Variants in FAM120A observed in about 807,000 individuals in gnomAD.
FAM120A encodes the protein family with sequence similarity 120 member A.
FAM120A carries 15 observed loss-of-function variants against 109.7 expected under a neutral mutation model. That is an observed-to-expected ratio of 0.14 (90% CI 0.09 to 0.21). The LOEUF (loss-of-function observed/expected upper bound fraction) is 0.21, where lower values mean the gene tolerates loss of function less well. Among genes scored for constraint, FAM120A ranks in the 10% least tolerant of loss-of-function variants. The pLI is 1.00. For synonymous variants in FAM120A, 493 were observed against 572.8 expected, an observed-to-expected ratio of 0.86 and a Z score of 1.99; for missense variants, 899 against 1,439.3, an observed-to-expected ratio of 0.62 and a Z score of 6.07.
rs78720654 is a variant in FAM120A, at chr9:93,454,452, C to T, written c.474+2063C>T. Among the ~76,000 whole-genome samples, 67 of 152,216 alleles carry T rather than the reference C, an allele frequency of 4.4e-4. 1 individual carries two copies. In the East Asian group the frequency reaches 0.013, roughly 29 times the overall value. On this transcript the variant is annotated intron_variant, in intron 1 of 17. Transcript: ENST00000277165. ...TGTAGGGGGGTGCTTTTGCTTTCCT[C>T]ACTGAAGAATCCTTTAAGCTCTCTC...
intron 2 of FAM120A, among the ~76,000 whole-genome samples, chr9:93,471,867 G>T (rs916742427): frequency 6.6e-6 from 1 of 152,170 alleles, no homozygotes; most frequent in Non-Finnish European, 1.5e-5. Context: ...TACATTTTAA[G>T]TAAATGTATA....
intron 5 of FAM120A, among the ~76,000 whole-genome samples, chr9:93,512,141 C>T (rs1227860964): frequency 6.6e-6 from 1 of 152,098 alleles, no homozygotes; most frequent in Non-Finnish European, 1.5e-5. Flanking sequence ...AACTTTGTTA[C>T]TCTTTGTTTT....
chr9:93,560,837 G>T (rs1862441009), intron 15 of FAM120A, among the ~76,000 whole-genome samples: 1 of 152,352 alleles, frequency 6.6e-6, no homozygotes, highest in Non-Finnish European at 1.5e-5. Flanking sequence ...ATATGCACCT[G>T]ATGACACTTT....
intron 11 of FAM120A, among the ~76,000 whole-genome samples, chr9:93,545,187 G>C (rs2096282814): frequency 6.6e-6 from 1 of 152,132 alleles, no homozygotes; most frequent in African/African-American, 2.4e-5. Context: ...TCTTCCAAGT[G>C]GGGGATGGCA....
In FAM120A at chr9:93,534,889, A is replaced by G. The variant is rs371305071; in HGVS notation, c.1909+2560A>G. The stretch of plus-strand genomic sequence containing the variant: ...GGATACCTCAGATTTGGTTTGGGAA[A>G]GGGAGTCAACTAGCACTGAGGAAAA... On this transcript the variant is annotated intron_variant, in intron 10 of 17. Coordinates refer to ENST00000277165, the MANE Select transcript of FAM120A (RefSeq NM_014612.5). Among the ~76,000 whole-genome samples the G allele has an allele frequency of 3.2e-4, 49 of 152,290 alleles. No homozygotes were observed. The South Asian group carries it at 9.7e-3, about 30-fold the overall frequency.
chr9:93,496,498 A>G (rs1430067973), intron 3 of FAM120A, among the ~76,000 whole-genome samples: 1 of 152,228 alleles, frequency 6.6e-6, no homozygotes, highest in Non-Finnish European at 1.5e-5. Context: ...CTTGTATGTT[A>G]ACATGCAAGG....
At chr9:93,563,535 C>T (rs1323524126) in intron 17 of FAM120A, among the ~76,000 whole-genome samples, 1 of 152,184 alleles carries the variant, frequency 6.6e-6, no homozygotes, top group Non-Finnish European at 1.5e-5. Context: ...AGCCCCATCA[C>T]GGAGAGTGGA....
chr9:93,544,156 T>C (rs1861802252), intron 11 of FAM120A, among the ~76,000 whole-genome samples: 1 of 152,238 alleles, frequency 6.6e-6, no homozygotes, highest in African/African-American at 2.4e-5. Context: ...CTCTGCCTTA[T>C]CCTTACGCAC....
chr9:93,466,215 G>A (rs1183364685), intron 1 of FAM120A, among the ~76,000 whole-genome samples: 1 of 152,096 alleles, frequency 6.6e-6, no homozygotes, highest in Non-Finnish European at 1.5e-5. Context: ...CCTACTGGGG[G>A]GAAAATTGTA....
chr9:93,549,820 T>G (rs948927481), intron 11 of FAM120A, among the ~76,000 whole-genome samples: 5 of 152,240 alleles, frequency 3.3e-5, no homozygotes, highest in Non-Finnish European at 7.3e-5. Flanking sequence ...GGTTTATGAC[T>G]AAGTCATTAT....
At position 93,471,326 on chromosome 9, in the gene FAM120A, T is replaced by C; in HGVS notation, c.660T>C (p.His220=). ...KSLTTSQYLM[H]EVAKQLDLNP... is the part of the protein sequence containing the mutation. ...TCACCACAAGCCAATATCTGATGCA[T>C]GAAGTTGCCAAGCAACTGGACCTGA... The change falls in exon 2 of 18, where the codon CAT becomes CAC. Residue 220 remains histidine (H), a synonymous_variant. Transcript: ENST00000277165. 3 of 1,614,218 alleles carry C rather than the reference T, an allele frequency of 1.9e-6. No homozygotes were observed. Among genetic ancestry groups the C allele is most frequent in the Non-Finnish European group, 2.5e-6 (3 of 1,180,028 alleles).
chr9:93,497,468 C>G lies in FAM120A; in HGVS notation c.805-3C>G. ...CTGTTGACACTTACGTTTGTTTTCTCAGGTCCGGGCCCACCAGCTGGTCTT... is the reference window on the plus strand; with the variant it reads ...CTGTTGACACTTACGTTTGTTTTCTGAGGTCCGGGCCCACCAGCTGGTCTT... On this transcript the variant is annotated splice_polypyrimidine_tract_variant and splice_region_variant and intron_variant, in intron 3 of 17. Coordinates refer to ENST00000277165, the MANE Select transcript of FAM120A (RefSeq NM_014612.5). 1 of 1,612,448 alleles carries G rather than the reference C, an allele frequency of 6.2e-7. No individual in the cohort carries two copies. The highest frequency in any genetic ancestry group is 8.5e-7 in the Non-Finnish European group (1 of 1,179,504).
chr9:93,469,215 A>T (rs774204893), intron 1 of FAM120A, among the ~76,000 whole-genome samples: 1 of 152,134 alleles, frequency 6.6e-6, no homozygotes, highest in Non-Finnish European at 1.5e-5. Flanking sequence ...AAGCTGGGAG[A>T]TGAGTGCTGG....
At chr9:93,523,286 C>G in intron 7 of FAM120A, 1 of 1,287,978 alleles carries the variant, frequency 7.8e-7, no homozygotes, top group Non-Finnish European at 1.0e-6. Context: ...TAAGGCCTTT[C>G]CAACTCTACT....
intron 3 of FAM120A, among the ~76,000 whole-genome samples, chr9:93,482,385 T>C (rs1438720469): frequency 6.6e-6 from 1 of 152,052 alleles, no homozygotes; most frequent in East Asian, 1.9e-4. Flanking sequence ...GAGACGGGAT[T>C]TCACCTTGTT....
chr9:93,558,579 A>C lies in FAM120A; in HGVS notation c.2669-2A>C. On this transcript the variant is annotated splice_acceptor_variant, in intron 14 of 17. Coordinates refer to ENST00000277165, the MANE Select transcript of FAM120A (RefSeq NM_014612.5). LOFTEE classifies it high-confidence loss of function. ...CCTCTCTCTCTACCCCGGGTCCCAC[A>C]GGCGTCTGTGGCTTTGGAGGCCCCT... 1 of 1,614,068 alleles carries C rather than the reference A, an allele frequency of 6.2e-7. No homozygotes were observed. The highest frequency in any genetic ancestry group is 1.1e-5 in the South Asian group (1 of 91,088).
In FAM120A at chr9:93,500,979, G is replaced by A. The variant is rs12553389; in HGVS notation, c.1030+2093G>A. ...TGTTCAGTCATTCAATGCCCTTTTA[G>A]GTAATTCTGCCTATAAGAATAACAG... On this transcript the variant is annotated intron_variant, in intron 5 of 17. Transcript: ENST00000277165. The surrounding 1 kb of genome is among the most constrained non-coding windows in gnomAD (Gnocchi z 4.6). 0.077 allele frequency among the ~76,000 whole-genome samples: 11,675 copies of A among 152,260 alleles called. 575 individuals carry two copies. The highest frequency in any genetic ancestry group is 0.1 in the Non-Finnish European group (7,103 of 68,026).
intron 7 of FAM120A, among the ~76,000 whole-genome samples, chr9:93,519,361 C>A (rs1005234648): frequency 6.6e-6 from 1 of 152,090 alleles, no homozygotes; most frequent in African/African-American, 2.4e-5. Context: ...CCTGCCCCAG[C>A]CTCCTGACTA....
At chr9:93,504,139 T>A (rs1033160868) in intron 5 of FAM120A, among the ~76,000 whole-genome samples, 6 of 152,024 alleles carry the variant, frequency 3.9e-5, no homozygotes, top group Non-Finnish European at 8.8e-5. Flanking sequence ...TGGGAAGAAG[T>A]GTATTCCATG....
Sources: allele counts gnomAD v4.1 joint callset (sites outside exome capture counted in the v4.1 genomes callset), GRCh38; gene constraint gnomAD v4.1.1; non-coding constraint Gnocchi (gnomAD v3.1); transcripts MANE v1.5; gene names NCBI Gene and HGNC (gene_info 2026-07-23, HGNC 2026-07-21).